Variants in SEC23B observed in about 807,000 individuals in gnomAD.
SEC23B encodes protein transport protein Sec23B.
In SEC23B, 77 loss-of-function variants were observed where a neutral mutation model predicts 104.3. The observed-to-expected ratio is 0.74, with a 90% CI of 0.61 to 0.89. The LOEUF is 0.89. Among genes scored for constraint, SEC23B ranks in the 40% least tolerant of loss-of-function variants. The pLI, the probability that SEC23B is intolerant of heterozygous loss-of-function variation, is 0.00. For synonymous variants in SEC23B, 338 were observed against 332.5 expected (o/e 1.02, Z -0.18); for missense variants, 885 against 949.4 (o/e 0.93, Z 0.89).
At chr20:18,542,862 C>T (rs2060300643) in intron 13 of SEC23B, among the ~76,000 whole-genome samples, 157 bp from the exon 14 acceptor site, 1 of 152,184 alleles carries the variant, frequency 6.6e-6, no homozygotes, top group African/African-American at 2.4e-5. Context: ...TGGTCTTGAA[C>T]TTCTAGGCTC....
Position 18,512,213 on chromosome 20 carries a change from T to C in SEC23B, c.222-12T>C. 1.9e-6 allele frequency: 3 copies of C among 1,554,470 alleles called. No homozygotes were observed. The highest frequency in any genetic ancestry group is 2.7e-6 in the Non-Finnish European group (3 of 1,132,058). Reference sequence around the variant, plus strand: ...AAGTGGTACCTACTTATAATATTTATCTTTCTCACAGTCAGGTTGATTATC... The same window carrying C: ...AAGTGGTACCTACTTATAATATTTACCTTTCTCACAGTCAGGTTGATTATC... On this transcript the variant is annotated splice_polypyrimidine_tract_variant and intron_variant, in intron 2 of 19. Coordinates refer to ENST00000650089, the MANE Select transcript of SEC23B (RefSeq NM_006363.6).
At chr20:18,550,160 T>C (rs1029054049) in intron 16 of SEC23B, among the ~76,000 whole-genome samples, 3 of 149,296 alleles carry the variant, frequency 2.0e-5, no homozygotes, top group Non-Finnish European at 3.0e-5. Flanking sequence ...AAATAAATAA[T>C]AAACGTATTT....
At chr20:18,526,263 T>C (rs1010651998) in intron 7 of SEC23B, 110 bp from the exon 8 acceptor site, 10 of 1,279,022 alleles carry the variant, frequency 7.8e-6, no homozygotes, top group Non-Finnish European at 1.1e-5. Context: ...ATCACCACTT[T>C]TTAGGACAGC....
At chr20:18,518,455 T>G (rs2060050693) in intron 4 of SEC23B, among the ~76,000 whole-genome samples, 1 of 152,222 alleles carries the variant, frequency 6.6e-6, no homozygotes, top group Admixed American at 6.5e-5. Context: ...GTGATTTCCT[T>G]GAGGATAGAT....
At chr20:18,548,055 G>A (rs2060350203) in intron 15 of SEC23B, among the ~76,000 whole-genome samples, 1 of 152,124 alleles carries the variant, frequency 6.6e-6, no homozygotes, top group Admixed American at 6.6e-5. Context: ...GGGTTCAAGT[G>A]ATTTTCCTGC....
Position 18,532,729 on chromosome 20 carries a change from G to C in SEC23B, c.1299G>C (p.Pro433=). The change falls in exon 11 of 20, where the codon CCG becomes CCC. Residue 433 remains proline, a synonymous_variant. Transcript: ENST00000650089. The part of the protein sequence containing the change: ...GPCVSLNVKG[P]CVSENELGVG... ...GCGTATCTCTGAATGTGAAAGGACCGTGTGTGTCAGAAAATGTAAGGAAAA... is the reference window on the plus strand; with the variant it reads ...GCGTATCTCTGAATGTGAAAGGACCCTGTGTGTCAGAAAATGTAAGGAAAA... The C allele has an allele frequency of 1.2e-6, 2 of 1,613,068 alleles. No individual in the cohort carries two copies. The highest frequency in any genetic ancestry group is 1.7e-6 in the Non-Finnish European group (2 of 1,179,000).
chr20:18,530,575 A>T, intron 9 of SEC23B, 105 bp from the exon 10 acceptor site: 1 of 1,295,046 alleles, frequency 7.7e-7, no homozygotes, highest in Non-Finnish European at 1.1e-6. Context: ...TCTTTTGGGG[A>T]CCTGGTTTCT....
intron 14 of SEC23B, among the ~76,000 whole-genome samples, 182 bp from the exon 15 acceptor site, chr20:18,545,774 G>A (rs2060326089): frequency 6.6e-6 from 1 of 152,166 alleles, no homozygotes; most frequent in African/African-American, 2.4e-5. Context: ...ATTTTAACAA[G>A]ATCCCCTGGT....
chr20:18,544,980 G>T lies in SEC23B; in HGVS notation c.1666-976G>T, dbSNP rs191601005. ...AGATGGGAAAGGAGAGCAACTTTAGGGTGGGAGAAAGTTTTTTCTCTTTTT... is the reference window on the plus strand; with the variant it reads ...AGATGGGAAAGGAGAGCAACTTTAGTGTGGGAGAAAGTTTTTTCTCTTTTT... On this transcript the variant is annotated intron_variant, in intron 14 of 19. Coordinates refer to ENST00000650089, the MANE Select transcript of SEC23B (RefSeq NM_006363.6). 6.2e-4 allele frequency among the ~76,000 whole-genome samples: 94 copies of T among 152,012 alleles called. 1 individual carries two copies. The highest frequency in any genetic ancestry group is 3.4e-3 in the Middle Eastern group (1 of 294).
intron 8 of SEC23B, among the ~76,000 whole-genome samples, 163 bp from the exon 9 acceptor site, chr20:18,527,333 G>A (rs1483193206): frequency 2.0e-5 from 3 of 152,126 alleles, no homozygotes; most frequent in Non-Finnish European, 4.4e-5. Context: ...GGTGGAGATC[G>A]CACCACTGCA....
chr20:18,515,790 G>C, intron 4 of SEC23B, 54 bp downstream of exon 4: 1 of 1,114,202 alleles, frequency 9.0e-7, no homozygotes, highest in Non-Finnish European at 1.4e-6. Context: ...AATTTCTCTT[G>C]AAATCCTTTG....
intron 17 of SEC23B, among the ~76,000 whole-genome samples, chr20:18,552,535 C>T (rs972405443): frequency 5.3e-5 from 8 of 152,220 alleles, no homozygotes; most frequent in Middle Eastern, 3.4e-3. Context: ...CAGCACAGGC[C>T]GGGTGTGGTA....
At position 18,542,395 on chromosome 20, in the gene SEC23B, G is replaced by A. The variant is rs770111384; in HGVS notation, c.1504G>A (p.Ala502Thr). 1 of 1,613,844 alleles carries A rather than the reference G, an allele frequency of 6.2e-7. No homozygotes were observed. The highest frequency in any genetic ancestry group is 1.7e-5 in the Admixed American group (1 of 59,998). ...GAGACGCATCCGCGTGACCACCATC[G>A]CCCGAAAGTAAGCAGCCCCAGTTTC... Reference protein sequence around the residue: ...TQRRIRVTTIARNWADVQSQL... With the variant: ...TQRRIRVTTITRNWADVQSQL... Residue 502 changes from alanine (A) to threonine (T), a missense_variant, in exon 13 of 20, where the codon GCC becomes ACC. Ala to Thr is a moderately conservative substitution (Grantham distance 58, BLOSUM62 0). Coordinates refer to ENST00000650089, the MANE Select transcript of SEC23B (RefSeq NM_006363.6).
At chr20:18,543,454 C>T (rs926205342) in intron 14 of SEC23B, among the ~76,000 whole-genome samples, 3 of 152,102 alleles carry the variant, frequency 2.0e-5, no homozygotes, top group Non-Finnish European at 2.9e-5. Context: ...TGTGAATGCT[C>T]TGGTCTTGTA....
At chr20:18,508,491 C>T (rs1266919118) in intron 1 of SEC23B, among the ~76,000 whole-genome samples, 1 of 152,104 alleles carries the variant, frequency 6.6e-6, no homozygotes, top group Non-Finnish European at 1.5e-5. Flanking sequence ...ATACCTTCCC[C>T]GATACTTTGG....
Position 18,552,456 on chromosome 20 carries a change from C to T in SEC23B, c.1992+1281C>T, listed in dbSNP as rs372700858. 2.6e-5 allele frequency among the ~76,000 whole-genome samples: 4 copies of T among 152,202 alleles called. No individual in the cohort carries two copies. In the East Asian group the frequency reaches 7.7e-4, roughly 29 times the overall value. ...TCTGTATCCACGGGTTCCACCTCTGCAGATTCAATCAACTGCAGGTTAAAA... is the reference window on the plus strand; with the variant it reads ...TCTGTATCCACGGGTTCCACCTCTGTAGATTCAATCAACTGCAGGTTAAAA... On this transcript the variant is annotated intron_variant, in intron 17 of 19. Coordinates refer to ENST00000650089, the MANE Select transcript of SEC23B (RefSeq NM_006363.6).
In SEC23B at chr20:18,560,691, A is replaced by C; in HGVS notation, c.2255A>C (p.Gln752Pro). 1.2e-6 allele frequency: 2 copies of C among 1,614,172 alleles called. No individual in the cohort carries two copies. Among genetic ancestry groups the C allele is most frequent in the Non-Finnish European group, 1.7e-6 (2 of 1,179,998 alleles). ...APILTDDVSLQVFMDHLKKLA... is the reference protein window; with the variant it reads ...APILTDDVSLPVFMDHLKKLA... The stretch of plus-strand genomic sequence containing the variant: ...ATCCTAACTGATGATGTTAGCCTGC[A>C]GGTGTTCATGGACCATTTGAAGAAG... The change falls in exon 20 of 20, where the codon CAG becomes CCG. Residue 752 changes from glutamine (Q) to proline (P), a missense_variant. Gln to Pro is a moderately conservative substitution (Grantham distance 76, BLOSUM62 -1). Transcript: ENST00000650089.
At position 18,511,038 on chromosome 20, in the gene SEC23B, C is replaced by T. The variant is rs1477938625; in HGVS notation, c.203C>T (p.Ala68Val). 1.2e-6 allele frequency: 2 copies of T among 1,612,988 alleles called. No homozygotes were observed. The highest frequency in any genetic ancestry group is 2.2e-5 in the East Asian group (1 of 44,856). ...PVLCSRPTCK[A>V]VLNPLCQVDY... ...CTTTGCAGCAGGCCAACTTGTAAAG[C>T]TGTTCTCAACCCACTTTGGTATGGA... is the stretch of plus-strand genomic sequence containing the variant. Residue 68 changes from alanine (A) to valine (V), a missense_variant, in exon 2 of 20, where the codon GCT (alanine) becomes GTT (valine). Physicochemically the swap from Ala to Val is moderately conservative, Grantham distance 64. Coordinates refer to ENST00000650089, the MANE Select transcript of SEC23B (RefSeq NM_006363.6).
rs1482963686 is a variant in SEC23B, at chr20:18,515,699, T to G, written c.329T>G (p.Leu110Trp). The G allele has an allele frequency of 1.2e-6, 2 of 1,612,024 alleles. No individual in the cohort carries two copies. The highest frequency in any genetic ancestry group is 4.5e-5 in the East Asian group (2 of 44,884). ...TCTGAGGTGAATCAACCTGCCGAAT[T>G]GATGCCCCAGTTTTCTACAATTGAG... is the stretch of plus-strand genomic sequence containing the variant. ...GISEVNQPAE[L>W]MPQFSTIEYV... is the part of the protein sequence containing the mutation. Residue 110 changes from leucine (L) to tryptophan (W), a missense_variant, in exon 4 of 20, where the codon TTG (leucine) becomes TGG (tryptophan). Coordinates refer to ENST00000650089, the MANE Select transcript of SEC23B (RefSeq NM_006363.6).
Sources: allele counts gnomAD v4.1 joint callset (sites outside exome capture counted in the v4.1 genomes callset), GRCh38; gene constraint gnomAD v4.1.1; transcripts MANE v1.5; gene names NCBI Gene and HGNC (gene_info 2026-07-23, HGNC 2026-07-21).